The following MAF variants were observed in gnomAD, a reference collection of about 807,000 sequenced individuals.
The protein encoded by MAF is transcription factor Maf.
A neutral mutation model predicts 22.0 loss-of-function variants in MAF; 10 were observed. The observed-to-expected ratio is 0.45, with a 90% CI of 0.28 to 0.77. The LOEUF (loss-of-function observed/expected upper bound fraction) is 0.77, where lower values mean the gene tolerates loss of function less well. Among genes scored for constraint, MAF ranks in the 30% least tolerant of loss-of-function variants. The probability of loss-of-function intolerance (pLI) is 0.12; values close to 1 mark genes in which losing one functional copy is unlikely to be tolerated. For missense variants in MAF, 544 were observed against 548.4 expected (o/e 0.99, Z 0.08); for synonymous variants, 337 against 255.8 (o/e 1.32, Z -3.03).
the MAF span, among the ~76,000 whole-genome samples, chr16:79,547,847 T>A: frequency 6.6e-6 from 1 of 152,210 alleles, no homozygotes; most frequent in African/African-American, 2.4e-5. Flanking sequence ...CTCACTGCTT[T>A]CGTCTGCAAA....
chr16:79,425,359 G>C, the MAF span, among the ~76,000 whole-genome samples: 1 of 151,692 alleles, frequency 6.6e-6, no homozygotes, highest in African/African-American at 2.4e-5. Context: ...TGGCCTCTAT[G>C]GGTAAAAAAA....
At chr16:79,314,767 A>T in the MAF span, among the ~76,000 whole-genome samples, 2 of 152,064 alleles carry the variant, frequency 1.3e-5, no homozygotes, top group Non-Finnish European at 1.5e-5. Flanking sequence ...GGCCCAGATG[A>T]TGTTTTGCCA....
At chr16:79,565,170 G>C in the MAF span, among the ~76,000 whole-genome samples, 1 of 152,158 alleles carries the variant, frequency 6.6e-6, no homozygotes, top group Admixed American at 6.5e-5. Flanking sequence ...AAAATACCCA[G>C]TTACAATCCT....
the MAF span, among the ~76,000 whole-genome samples, chr16:79,228,964 G>A: frequency 9.9e-5 from 15 of 151,810 alleles, 1 homozygote; most frequent in Admixed American, 9.9e-4. Flanking sequence ...GAGGGGCCAA[G>A]ATGGGCTTTC....
At chr16:79,207,500 A>G in the MAF span, among the ~76,000 whole-genome samples, 3 of 152,194 alleles carry the variant, frequency 2.0e-5, no homozygotes, top group African/African-American at 4.8e-5. Flanking sequence ...TACTTTTTGC[A>G]TAAGTGGATT....
chr16:79,320,599 G>A, the MAF span, among the ~76,000 whole-genome samples: 2 of 152,138 alleles, frequency 1.3e-5, no homozygotes, highest in Non-Finnish European at 2.9e-5. Flanking sequence ...AGTCACCCTG[G>A]ACTCTAATCC....
At chr16:79,372,678 T>C in the MAF span, among the ~76,000 whole-genome samples, 1 of 152,156 alleles carries the variant, frequency 6.6e-6, no homozygotes, top group African/African-American at 2.4e-5. Context: ...ATCACAGTTA[T>C]TGAGAAATTT....
the MAF span, among the ~76,000 whole-genome samples, chr16:79,404,348 G>T: frequency 2.0e-5 from 3 of 152,150 alleles, no homozygotes; most frequent in Admixed American, 1.3e-4. Flanking sequence ...ATTTTTAGTA[G>T]AGACTGGGTT....
chr16:79,392,926 A>G, the MAF span, among the ~76,000 whole-genome samples: 1,723 of 152,286 alleles, frequency 0.011, 31 homozygotes, highest in African/African-American at 0.037. Flanking sequence ...GCAAATGGAG[A>G]CACCCCAGTA....
At chr16:79,241,630 T>C in the MAF span, among the ~76,000 whole-genome samples, 1 of 152,116 alleles carries the variant, frequency 6.6e-6, no homozygotes, top group African/African-American at 2.4e-5. Flanking sequence ...CAGGATATCA[T>C]CCAGCAGAAC....
the MAF span, among the ~76,000 whole-genome samples, chr16:79,383,398 A>T: frequency 1.7e-4 from 26 of 152,200 alleles, no homozygotes; most frequent in Admixed American, 1.6e-3. Flanking sequence ...AGATTTTTAA[A>T]TGTCTTGGTT....
the MAF span, among the ~76,000 whole-genome samples, chr16:79,552,434 C>A: frequency 2.0e-5 from 3 of 152,156 alleles, no homozygotes; most frequent in Non-Finnish European, 4.4e-5. Flanking sequence ...GTCTTGAACT[C>A]CTGGTCTCAA....
At chr16:79,230,288 G>T in the MAF span, among the ~76,000 whole-genome samples, 1 of 152,100 alleles carries the variant, frequency 6.6e-6, no homozygotes, top group Non-Finnish European at 1.5e-5. Context: ...GCTAAGGCAG[G>T]CTGCTTCTGT....
chr16:79,363,574 T>C, the MAF span, among the ~76,000 whole-genome samples: 1 of 152,232 alleles, frequency 6.6e-6, no homozygotes, highest in Non-Finnish European at 1.5e-5. Flanking sequence ...TGAATGTGTA[T>C]TGCTTTCTCA....
At chr16:79,271,195 C>T in the MAF span, among the ~76,000 whole-genome samples, 255 of 151,808 alleles carry the variant, frequency 1.7e-3, 1 homozygote, top group Non-Finnish European at 2.7e-3. Flanking sequence ...GGATTATAGG[C>T]GTGAGCCACC....
the MAF span, among the ~76,000 whole-genome samples, chr16:79,405,630 G>A: frequency 1.3e-5 from 2 of 152,106 alleles, no homozygotes; most frequent in Non-Finnish European, 2.9e-5. Context: ...TTTCCAAATA[G>A]CAAAACATTT....
the MAF span, among the ~76,000 whole-genome samples, chr16:79,269,227 G>A: frequency 6.6e-6 from 1 of 152,112 alleles, no homozygotes; most frequent in Non-Finnish European, 1.5e-5. Flanking sequence ...TGATGTAGGG[G>A]CTGTTTAGCA....
chr16:79,297,844 T>C, the MAF span, among the ~76,000 whole-genome samples: 10 of 152,078 alleles, frequency 6.6e-5, no homozygotes, highest in Non-Finnish European at 1.5e-4. Flanking sequence ...ATCTATAGGG[T>C]TGTTCTGTAG....
the MAF span, among the ~76,000 whole-genome samples, chr16:79,357,362 G>A: frequency 0.53 from 79,574 of 150,172 alleles, 21,162 homozygotes; most frequent in African/African-American, 0.62. Flanking sequence ...AGGCAGGAGA[G>A]TTGCTTGAAC....
Sources: gnomAD v4.1 joint callset for allele counts (sites outside exome capture counted in the v4.1 genomes callset) on GRCh38, gnomAD v4.1.1 for gene constraint, MANE v1.5 for transcripts, NCBI Gene and HGNC (gene_info 2026-07-23, HGNC 2026-07-21) for gene names.